IQSEC2: variants seen among roughly 807,000 people sequenced by gnomAD.
The protein encoded by IQSEC2 is IQ motif and SEC7 domain-containing protein 2.
IQSEC2 carries 6 observed loss-of-function variants against 74.6 expected under a neutral mutation model. The ratio of observed to expected loss-of-function variants is 0.08; its 90% CI spans 0.04 to 0.16. The LOEUF is 0.16. IQSEC2 is among the 10% of genes least tolerant of loss of function. The pLI is 1.00. For missense variants in IQSEC2, 734 were observed against 1,306.2 expected (o/e 0.56, Z 6.75); for synonymous variants, 494 against 544.5 (o/e 0.91, Z 1.29).
At chrX:53,232,065 G>A (rs782817395), downstream of IQSEC2, among the ~76,000 whole-genome samples, 1 of 111,638 alleles carries the variant, frequency 9.0e-6, no homozygotes, top group East Asian at 2.8e-4. Flanking sequence ...CCTGCGCTAG[G>A]CTAAGATCCA....
chrX:53,271,953 C>T (rs782546256), intron 2 of IQSEC2, among the ~76,000 whole-genome samples: 9 of 111,339 alleles, frequency 8.1e-5, no homozygotes, highest in Non-Finnish European at 1.1e-4. Flanking sequence ...ATTCAATTTC[C>T]GGAGGTTCGT....
At chrX:53,286,025 G>A (rs1484166422) in intron 2 of IQSEC2, among the ~76,000 whole-genome samples, 1 of 112,550 alleles carries the variant, frequency 8.9e-6, no homozygotes, top group Non-Finnish European at 1.9e-5. Context: ...CATTGATAAT[G>A]TGTACTTGTA....
Position 53,248,895 on chromosome X carries a change from G to A in IQSEC2, c.2298-13C>T. ...CTTCTCTGGCTTCCTGCAGAAAGAG[G>A]AGAGGTAGATGAGATGACTGTCCTC... On this transcript the variant is annotated splice_polypyrimidine_tract_variant and intron_variant, in intron 5 of 14. Coordinates refer to ENST00000642864, the MANE Select transcript of IQSEC2 (RefSeq NM_001111125.3). 2 of 1,204,349 alleles carry A rather than the reference G, an allele frequency of 1.7e-6. No homozygotes were observed. The highest frequency in any genetic ancestry group is 2.2e-6 in the Non-Finnish European group (2 of 891,381).
chrX:53,292,278 G>A (rs2075108465), intron 1 of IQSEC2, among the ~76,000 whole-genome samples: 1 of 111,784 alleles, frequency 8.9e-6, no homozygotes, highest in Non-Finnish European at 1.9e-5. Flanking sequence ...CCGTGGGCAG[G>A]GGCAAAGCCC....
chrX:53,277,851 A>G (rs1325604995), intron 2 of IQSEC2, among the ~76,000 whole-genome samples: 4 of 108,239 alleles, frequency 3.7e-5, no homozygotes, highest in African/African-American at 1.4e-4. Flanking sequence ...CTGTATTTTT[A>G]GTAGAGACGG....
At chrX:53,263,065 G>A (rs1187436752) in intron 2 of IQSEC2, among the ~76,000 whole-genome samples, 1 of 112,063 alleles carries the variant, frequency 8.9e-6, no homozygotes, top group Non-Finnish European at 1.9e-5. Flanking sequence ...TCTGTCCCAG[G>A]CACTATAAGC....
intron 3 of IQSEC2, 31 bp downstream of exon 3, chrX:53,255,769 T>C: frequency 8.3e-7 from 1 of 1,209,852 alleles, no homozygotes. Context: ...GCATCCCGAC[T>C]CCCATTCCCA....
intron 1 of IQSEC2, among the ~76,000 whole-genome samples, chrX:53,299,910 CT>C (rs1234582510): frequency 3.6e-5 from 4 of 110,973 alleles, no homozygotes; most frequent in Non-Finnish European, 7.6e-5. Context: ...GCCACCACAC[CT>C]AGCCAATCTT....
chrX:53,269,939 TCCTTCCCTACGCGTTGGTTTCC>T (rs1368737660), intron 2 of IQSEC2, among the ~76,000 whole-genome samples: 1 of 110,436 alleles, frequency 9.1e-6, no homozygotes, highest in Non-Finnish European at 1.9e-5. Context: ...CTTCCTGGGC[TCCTTCCCTACGCGTTGGTTTCC>T]CCTTCCCAAT....
At chrX:53,240,774 C>CTT (rs34233943) in intron 10 of IQSEC2, among the ~76,000 whole-genome samples, 10 of 97,018 alleles carry the variant, frequency 1.0e-4, no homozygotes, top group Admixed American at 1.1e-4. Context: ...CTTCAAGCAT[C>CTT]TTTTTTTTTT....
chrX:53,305,509 C>T lies in IQSEC2; in HGVS notation c.708-13585G>A, dbSNP rs146201681. Among the ~76,000 whole-genome samples the T allele has an allele frequency of 4.2e-3, 468 of 111,710 alleles. 2 individuals carry two copies. Among genetic ancestry groups the T allele is most frequent in the African/African-American group, 0.015 (456 of 30,733 alleles). On this transcript the variant is annotated intron_variant, in intron 1 of 14. Coordinates refer to ENST00000642864, the MANE Select transcript of IQSEC2 (RefSeq NM_001111125.3). ...TACAGACATGAGCCACCATGCCCAGCCATAAAGTTACTATTTAGTTGCACC... is the reference window on the plus strand; with the variant it reads ...TACAGACATGAGCCACCATGCCCAGTCATAAAGTTACTATTTAGTTGCACC...
At chrX:53,277,893 AC>A (rs1391553652) in intron 2 of IQSEC2, among the ~76,000 whole-genome samples, 24 of 106,187 alleles carry the variant, frequency 2.3e-4, no homozygotes, top group African/African-American at 6.3e-4. Context: ...CTGGTCTCGA[AC>A]TCCTGACCTC....
chrX:53,231,329 A>G (rs1260338443), downstream of IQSEC2: 1 of 111,781 alleles, frequency 8.9e-6, no homozygotes, highest in African/African-American at 3.3e-5. Context: ...GAAAGCCACA[A>G]GTAAAATGCT....
chrX:53,246,876 T>A (rs782416374), intron 8 of IQSEC2, 93 bp downstream of exon 8: 1 of 818,355 alleles, frequency 1.2e-6, no homozygotes, highest in South Asian at 2.2e-5. Flanking sequence ...CAAATTAATT[T>A]CCAAGGAACA....
intron 2 of IQSEC2, among the ~76,000 whole-genome samples, chrX:53,276,951 T>A (rs1038445988): frequency 8.9e-6 from 1 of 112,431 alleles, no homozygotes. Flanking sequence ...CTTCTTTTAA[T>A]ACACTGATGG....
At chrX:53,292,574 G>A (rs1181364631) in intron 1 of IQSEC2, among the ~76,000 whole-genome samples, 4 of 111,913 alleles carry the variant, frequency 3.6e-5, no homozygotes, top group Admixed American at 9.5e-5. Flanking sequence ...TGAGTCAGCC[G>A]CTGGGCTCCT....
In IQSEC2 at chrX:53,233,195, G is replaced by A. The variant is rs1400705355; in HGVS notation, c.*1024C>T. On this transcript the variant is annotated 3_prime_UTR_variant, in exon 15 of 15. Coordinates refer to ENST00000642864, the MANE Select transcript of IQSEC2 (RefSeq NM_001111125.3). ...GCTGCAAAAGGGCTGGAGAGGCAGC[G>A]GAGATTCTGACGGACAGAAGGACTC... 2.7e-5 allele frequency: 3 copies of A among 112,039 alleles called. No individual in the cohort carries two copies. The highest frequency in any genetic ancestry group is 5.7e-5 in the Non-Finnish European group (3 of 53,066). 9.2% of individuals were successfully genotyped at this position (112,039 alleles called of 1,213,427 possible). A position where few individuals can be genotyped will look rare whatever the true frequency, so the allele number is the denominator to read the frequency against.
intron 1 of IQSEC2, among the ~76,000 whole-genome samples, chrX:53,306,165 G>GC (rs782804587): frequency 1.1e-4 from 12 of 111,997 alleles, no homozygotes; most frequent in East Asian, 2.8e-4. Context: ...CAGCCTCCAA[G>GC]CCCCCCCGAG....
intron 1 of IQSEC2, among the ~76,000 whole-genome samples, chrX:53,318,215 T>C (rs782452455): frequency 8.9e-6 from 1 of 112,270 alleles, no homozygotes; most frequent in Non-Finnish European, 1.9e-5. Flanking sequence ...CAACACTCAC[T>C]GCAGAAGGCT....
Sources: allele counts gnomAD v4.1 joint callset (sites outside exome capture counted in the v4.1 genomes callset), GRCh38; gene constraint gnomAD v4.1.1; transcripts MANE v1.5; gene names NCBI Gene and HGNC (gene_info 2026-07-23, HGNC 2026-07-21).